The following DSCAML1 variants were observed in gnomAD, a reference collection of about 807,000 sequenced individuals.
The protein encoded by DSCAML1 is cell adhesion molecule DSCAML1.
DSCAML1 carries 38 observed loss-of-function variants against 200.5 expected under a neutral mutation model. The ratio of observed to expected loss-of-function variants is 0.19; its 90% CI spans 0.15 to 0.25. The LOEUF is 0.25. Among genes scored for constraint, DSCAML1 ranks in the 10% least tolerant of loss-of-function variants. The pLI, the probability that DSCAML1 is intolerant of heterozygous loss-of-function variation, is 1.00. For missense variants in DSCAML1, 2,223 were observed against 2,858.8 expected (o/e 0.78, Z 5.07); for synonymous variants, 1,215 against 1,165.0 (o/e 1.04, Z -0.87).
intron 11 of DSCAML1, among the ~76,000 whole-genome samples, chr11:117,499,330 AC>A (rs2049353074): frequency 6.6e-6 from 1 of 152,002 alleles, no homozygotes; most frequent in Non-Finnish European, 1.5e-5. Flanking sequence ...TGAAAAGACT[AC>A]CCGTGCTGCT....
At chr11:117,691,591 A>C (rs1366937388) in intron 3 of DSCAML1, among the ~76,000 whole-genome samples, 4 of 152,200 alleles carry the variant, frequency 2.6e-5, no homozygotes, top group African/African-American at 7.2e-5. Context: ...CCGAAAGGCA[A>C]TCACTCACCA....
At chr11:117,800,218 G>T (rs2055644912), upstream of DSCAML1, among the ~76,000 whole-genome samples, 1 of 152,212 alleles carries the variant, frequency 6.6e-6, no homozygotes, top group Non-Finnish European at 1.5e-5. Context: ...TTGTATTGGG[G>T]TGGGCAAGCC....
intron 18 of DSCAML1, among the ~76,000 whole-genome samples, chr11:117,460,193 T>C (rs2048451304): frequency 6.6e-6 from 1 of 152,178 alleles, no homozygotes; most frequent in African/African-American, 2.4e-5. Flanking sequence ...CACACAAATA[T>C]GAATGTAGTG....
intron 3 of DSCAML1, among the ~76,000 whole-genome samples, chr11:117,590,691 C>T (rs1417304817): frequency 6.6e-6 from 1 of 152,172 alleles, no homozygotes; most frequent in African/African-American, 2.4e-5. Flanking sequence ...TAAAGAACTG[C>T]AGCAGAAAGG....
At chr11:117,527,810 TC>T (rs2137331042) in intron 4 of DSCAML1, among the ~76,000 whole-genome samples, 1 of 152,296 alleles carries the variant, frequency 6.6e-6, no homozygotes, top group East Asian at 1.9e-4. Flanking sequence ...AGAATTCTCC[TC>T]TCTAGGGGAA....
rs12797192 is a variant in DSCAML1 at position 117,498,764 on chromosome 11, G to A, written c.2359+5081C>T. ...ACGAGAGTTTGGCCCCAAGCTCCCCGCTCCTGATGTTGTGGCTGCGCAGCT... is the reference window on the plus strand; with the variant it reads ...ACGAGAGTTTGGCCCCAAGCTCCCCACTCCTGATGTTGTGGCTGCGCAGCT... On this transcript the variant is annotated intron_variant, in intron 11 of 32. Coordinates refer to ENST00000651296, the MANE Select transcript of DSCAML1 (RefSeq NM_020693.4). This position sits in a 1 kb window ranked among gnomAD's most constrained non-coding sequence, Gnocchi z 4.0. 1.3e-5 allele frequency among the ~76,000 whole-genome samples: 2 copies of A among 152,104 alleles called. No homozygotes were observed. Among genetic ancestry groups the A allele is most frequent in the Admixed American group, 1.3e-4 (2 of 15,264 alleles).
intron 21 of DSCAML1, among the ~76,000 whole-genome samples, chr11:117,443,137 G>T (rs924985399): frequency 6.6e-6 from 1 of 152,202 alleles, no homozygotes; most frequent in African/African-American, 2.4e-5. Context: ...GTGAGGAGGG[G>T]CCCAGGGAGG....
At chr11:117,515,588 C>T (rs1443872389) in intron 8 of DSCAML1, among the ~76,000 whole-genome samples, 1 of 132,824 alleles carries the variant, frequency 7.5e-6, no homozygotes, top group Non-Finnish European at 1.6e-5. Flanking sequence ...AGGTGGATGT[C>T]AAGGGCCCAG....
chr11:117,772,353 C>T (rs887007003), intron 3 of DSCAML1, among the ~76,000 whole-genome samples: 26 of 152,106 alleles, frequency 1.7e-4, no homozygotes, highest in African/African-American at 5.1e-4. Context: ...GTCACAGGAC[C>T]CCTCTGGCCA....
chr11:117,465,263 T>C lies in DSCAML1; in HGVS notation c.3025-81A>G. The C allele has an allele frequency of 2.6e-6, 4 of 1,556,380 alleles. No homozygotes were observed. The South Asian group carries it at 4.9e-5, about 19-fold the overall frequency. On this transcript the variant is annotated intron_variant, in intron 16 of 32. Coordinates refer to ENST00000651296, the MANE Select transcript of DSCAML1 (RefSeq NM_020693.4). ...CTCTTAAAACCAAAGTCAGATCATG[T>C]CACTCCTCTGCCCCAGCCCTTCAAA...
At chr11:117,594,055 G>A (rs2051315762) in intron 3 of DSCAML1, among the ~76,000 whole-genome samples, 1 of 152,088 alleles carries the variant, frequency 6.6e-6, no homozygotes, top group Non-Finnish European at 1.5e-5. Context: ...AAGGGAGTGG[G>A]GTCTCACCTG....
intron 3 of DSCAML1, among the ~76,000 whole-genome samples, chr11:117,572,245 T>A (rs2050859826): frequency 6.6e-6 from 1 of 152,232 alleles, no homozygotes; most frequent in African/African-American, 2.4e-5. Context: ...ATTCTTGCCT[T>A]CCTCTTCTAA....
chr11:117,593,562 T>G (rs571534463), intron 3 of DSCAML1, among the ~76,000 whole-genome samples: 1 of 152,358 alleles, frequency 6.6e-6, no homozygotes, highest in South Asian at 2.1e-4. Context: ...GGGACAGCAC[T>G]GCAACTTCAT....
intron 2 of DSCAML1, among the ~76,000 whole-genome samples, chr11:117,777,571 C>T (rs556507661): frequency 6.6e-6 from 1 of 152,322 alleles, no homozygotes; most frequent in South Asian, 2.1e-4. Flanking sequence ...TCTCTGAGCA[C>T]ACAGAATCCT....
chr11:117,569,882 C>A (rs1174670753), intron 3 of DSCAML1, among the ~76,000 whole-genome samples: 1 of 152,136 alleles, frequency 6.6e-6, no homozygotes, highest in Admixed American at 6.5e-5. Context: ...GCTCTGGGCC[C>A]CTAGGAGAAA....
intron 11 of DSCAML1, among the ~76,000 whole-genome samples, chr11:117,483,254 G>C (rs1262550040): frequency 6.6e-6 from 1 of 152,182 alleles, no homozygotes; most frequent in Admixed American, 6.5e-5. Context: ...GTGCCAGGCT[G>C]GGGGGTACGC....
chr11:117,438,777 T>G, intron 24 of DSCAML1, 108 bp downstream of exon 24: 1 of 1,034,220 alleles, frequency 9.7e-7, no homozygotes, highest in Non-Finnish European at 1.3e-6. Flanking sequence ...GGCCCCCAGA[T>G]CGTTTCTGTC....
intron 16 of DSCAML1, 145 bp from the exon 17 acceptor site, chr11:117,465,327 C>A (rs1565707648): frequency 1.7e-6 from 2 of 1,160,236 alleles, no homozygotes; most frequent in East Asian, 2.5e-5. Flanking sequence ...AAAGTCCTTA[C>A]AATGGCTACT....
At chr11:117,598,676 G>A (rs1264530180) in intron 3 of DSCAML1, among the ~76,000 whole-genome samples, 1 of 152,158 alleles carries the variant, frequency 6.6e-6, no homozygotes, top group Non-Finnish European at 1.5e-5. Flanking sequence ...ATAATTTCAG[G>A]GTTTGGGCTG....
Sources: gnomAD v4.1 joint callset for allele counts (sites outside exome capture counted in the v4.1 genomes callset) on GRCh38, gnomAD v4.1.1 for gene constraint, Gnocchi (gnomAD v3.1) non-coding constraint, MANE v1.5 for transcripts, NCBI Gene and HGNC (gene_info 2026-07-23, HGNC 2026-07-21) for gene names.